Variants in LINGO2 observed in about 807,000 individuals in gnomAD.
The protein encoded by LINGO2 is leucine-rich repeat and immunoglobulin-like domain-containing nogo receptor-interacting protein 2.
LINGO2 carries 14 observed loss-of-function variants against 30.6 expected under a neutral mutation model. The ratio of observed to expected loss-of-function variants is 0.46; its 90% CI spans 0.30 to 0.72. The LOEUF (loss-of-function observed/expected upper bound fraction) is 0.72, where lower values mean the gene tolerates loss of function less well. Ranked by LOEUF, LINGO2 falls within the 30% of genes least tolerant of loss-of-function variation. The pLI is 0.07. For synonymous variants in LINGO2, 317 were observed against 288.5 expected, an observed-to-expected ratio of 1.10 and a Z score of -1.00; for missense variants, 729 against 751.7, an observed-to-expected ratio of 0.97 and a Z score of 0.35.
At chr9:28,870,904 C>A in the LINGO2 span, among the ~76,000 whole-genome samples, 1 of 151,706 alleles carries the variant, frequency 6.6e-6, no homozygotes, top group Non-Finnish European at 1.5e-5. Context: ...CAGCCAAAGG[C>A]GACAGAAAAT....
At chr9:28,217,231 C>T (rs1820799673) in intron 4 of LINGO2, among the ~76,000 whole-genome samples, 1 of 151,062 alleles carries the variant, frequency 6.6e-6, no homozygotes, top group Admixed American at 6.6e-5. Flanking sequence ...AGTTACAATA[C>T]CTTACTTGGA....
intron 4 of LINGO2, among the ~76,000 whole-genome samples, chr9:28,284,159 G>A (rs1035238328): frequency 6.6e-6 from 1 of 152,044 alleles, no homozygotes; most frequent in African/African-American, 2.4e-5. Context: ...CCCTTCCAAT[G>A]TCTGCTTCCT....
At chr9:28,715,580 G>A in the LINGO2 span, among the ~76,000 whole-genome samples, 2 of 152,228 alleles carry the variant, frequency 1.3e-5, no homozygotes, top group East Asian at 3.9e-4. Context: ...GAAGAGGTGG[G>A]TGGGGTTGCT....
intron 4 of LINGO2, among the ~76,000 whole-genome samples, chr9:28,067,730 A>C (rs1178254739): frequency 6.6e-6 from 1 of 152,190 alleles, no homozygotes. Flanking sequence ...ATGAGTCTTT[A>C]AGGGCATGCT....
At chr9:28,637,975 A>T (rs894943296) in intron 1 of LINGO2, among the ~76,000 whole-genome samples, 37 of 152,138 alleles carry the variant, frequency 2.4e-4, no homozygotes, top group African/African-American at 2.4e-5. Flanking sequence ...AGATAGCTCT[A>T]ATTATTTTGA....
intron 4 of LINGO2, among the ~76,000 whole-genome samples, chr9:28,119,065 AT>A (rs1827017771): frequency 6.7e-6 from 1 of 148,346 alleles, no homozygotes. Context: ...TAAAAAAAAA[AT>A]GTGTTTTTAA....
chr9:28,626,840 G>A (rs1826704029), intron 1 of LINGO2, among the ~76,000 whole-genome samples: 1 of 151,502 alleles, frequency 6.6e-6, no homozygotes, highest in Non-Finnish European at 1.5e-5. Context: ...GTGTGTGTGT[G>A]TGTGTCTTCC....
At chr9:28,939,191 G>T in the LINGO2 span, among the ~76,000 whole-genome samples, 1 of 152,058 alleles carries the variant, frequency 6.6e-6, no homozygotes, top group Admixed American at 6.6e-5. Flanking sequence ...GCTACTTAAG[G>T]CTACTTAAGA....
At chr9:28,576,797 A>T (rs1420188758) in intron 1 of LINGO2, among the ~76,000 whole-genome samples, 1 of 152,198 alleles carries the variant, frequency 6.6e-6, no homozygotes, top group African/African-American at 2.4e-5. Context: ...ATTTTGGTGT[A>T]CCCTTAACAG....
At chr9:28,551,038 T>G (rs1822253082) in intron 1 of LINGO2, among the ~76,000 whole-genome samples, 1 of 151,854 alleles carries the variant, frequency 6.6e-6, no homozygotes, top group Non-Finnish European at 1.5e-5. Context: ...TCAGAGTATA[T>G]TAACATTCAA....
the LINGO2 span, among the ~76,000 whole-genome samples, chr9:29,192,171 T>C: frequency 6.6e-6 from 1 of 152,188 alleles, no homozygotes; most frequent in African/African-American, 2.4e-5. Context: ...ATTCATATTA[T>C]GAATTCTGCT....
At chr9:28,327,232 TA>T (rs1822229225) in intron 3 of LINGO2, among the ~76,000 whole-genome samples, 1 of 152,142 alleles carries the variant, frequency 6.6e-6, no homozygotes, top group Admixed American at 6.5e-5. Flanking sequence ...AGCAATAAAT[TA>T]CTATTGTTTA....
In LINGO2 at chr9:28,651,402, C is replaced by T. The variant is rs192383342; in HGVS notation, c.-365+18798G>A. Among the ~76,000 whole-genome samples the T allele has an allele frequency of 3.3e-5, 5 of 152,200 alleles. No homozygotes were observed. In the East Asian group the frequency reaches 9.7e-4, roughly 29 times the overall value. On this transcript the variant is annotated intron_variant, in intron 1 of 5. Transcript: ENST00000379992. ...ATGATTAATAAACAGTAGGACAAGA[C>T]TAGCCATCGGGTTGTCTCCCTCTGA...
At chr9:28,875,004 C>T in the LINGO2 span, among the ~76,000 whole-genome samples, 3 of 152,046 alleles carry the variant, frequency 2.0e-5, no homozygotes, top group Admixed American at 2.0e-4. Context: ...ACATAGCAAT[C>T]ATGTTTTTCT....
At chr9:29,104,583 T>C in the LINGO2 span, among the ~76,000 whole-genome samples, 1 of 152,128 alleles carries the variant, frequency 6.6e-6, no homozygotes, top group Non-Finnish European at 1.5e-5. Flanking sequence ...ATGTGAAATA[T>C]AAACAGAGAA....
At chr9:28,801,716 T>C in the LINGO2 span, among the ~76,000 whole-genome samples, 3 of 152,030 alleles carry the variant, frequency 2.0e-5, no homozygotes, top group Non-Finnish European at 2.9e-5. Context: ...GCTCAGTTAA[T>C]TGAATAAAAA....
intron 4 of LINGO2, among the ~76,000 whole-genome samples, chr9:28,138,488 AGGCC>A (rs1827579348): frequency 6.6e-6 from 1 of 152,196 alleles, no homozygotes; most frequent in Non-Finnish European, 1.5e-5. Context: ...TTTTTTTGTG[AGGCC>A]ACTTTTCATA....
the LINGO2 span, among the ~76,000 whole-genome samples, chr9:28,719,499 C>G: frequency 6.6e-6 from 1 of 152,056 alleles, no homozygotes; most frequent in Non-Finnish European, 1.5e-5. Flanking sequence ...TGGGCATCAT[C>G]AATCCTCATC....
chr9:28,397,862 T>C (rs890641464), intron 2 of LINGO2, among the ~76,000 whole-genome samples: 1 of 152,094 alleles, frequency 6.6e-6, no homozygotes, highest in African/African-American at 2.4e-5. Flanking sequence ...ATGTCTTAAA[T>C]TCATTCCTCC....
Sources: allele counts gnomAD v4.1 joint callset (sites outside exome capture counted in the v4.1 genomes callset), GRCh38; gene constraint gnomAD v4.1.1; transcripts MANE v1.5; gene names NCBI Gene and HGNC (gene_info 2026-07-23, HGNC 2026-07-21).